Variants in ANK2 observed in about 807,000 individuals in gnomAD.
The protein encoded by ANK2 is ankyrin-2.
In ANK2, 83 loss-of-function variants were observed where a neutral mutation model predicts 360.5. That is an observed-to-expected ratio of 0.23 (90% CI 0.19 to 0.28). The LOEUF (loss-of-function observed/expected upper bound fraction) is 0.28, where lower values mean the gene tolerates loss of function less well. Among genes scored for constraint, ANK2 ranks in the 10% least tolerant of loss-of-function variants. The probability of loss-of-function intolerance (pLI) is 1.00; values close to 1 mark genes in which losing one functional copy is unlikely to be tolerated. For missense variants in ANK2, 4,201 were observed against 4,795.7 expected, an observed-to-expected ratio of 0.88 and a Z score of 3.66; for synonymous variants, 1,740 against 1,759.5, an observed-to-expected ratio of 0.99 and a Z score of 0.28.
chr4:113,238,491 C>G (rs2099401158), intron 7 of ANK2, among the ~76,000 whole-genome samples: 1 of 152,132 alleles, frequency 6.6e-6, no homozygotes. Flanking sequence ...CCTATCGTTG[C>G]ATGGAACCTA....
At chr4:113,237,488 C>A in intron 6 of ANK2, 111 bp from the exon 7 acceptor site, 1 of 1,047,632 alleles carries the variant, frequency 9.5e-7, no homozygotes, top group Admixed American at 1.7e-5. Flanking sequence ...CAGTAGAATG[C>A]ATTTTGCCAT....
Position 113,317,735 on chromosome 4 carries a change from C to T in ANK2, c.2722C>T (p.His908Tyr), listed in dbSNP as rs2083672191. 1 of 1,614,152 alleles carries T rather than the reference C, an allele frequency of 6.2e-7. No individual in the cohort carries two copies. Among genetic ancestry groups the T allele is most frequent in the Non-Finnish European group, 8.5e-7 (1 of 1,180,006 alleles). Residue 908 changes from histidine to tyrosine, a missense_variant, in exon 25 of 46, where the codon CAC becomes TAC. By Grantham distance (83) the His-to-Tyr change is moderately conservative (BLOSUM62 2). This residue lies in a region of ANK2 where 1,268 missense variants were observed against 1,650.8 expected (regional missense o/e 0.77). Coordinates refer to ENST00000357077, the MANE Select transcript of ANK2 (RefSeq NM_001148.6). ...SLRSFSSDRS[H>Y]TLSHASYLRD... ...TCGATCCTTCAGTTCCGACAGGTCTCACACTCTGAGCCATGCCTCCTACCT... is the reference window on the plus strand; with the variant it reads ...TCGATCCTTCAGTTCCGACAGGTCTTACACTCTGAGCCATGCCTCCTACCT...
chr4:113,004,589 G>A (rs1010791160), intron 2 of ANK2, among the ~76,000 whole-genome samples: 5 of 152,134 alleles, frequency 3.3e-5, no homozygotes, highest in Admixed American at 6.6e-5. Flanking sequence ...AGACCTGTCT[G>A]AAGCTATTTT....
chr4:113,293,522 T>A lies in ANK2; in HGVS notation c.2459T>A (p.Val820Asp), dbSNP rs1286149273. ...ACCCTGAAGGTTGTGACTGAGGAGG[T>A]CACCACCACCACCACAGTGAGTATG... ...VDTLKVVTEE[V>D]TTTTTTITEK... Residue 820 changes from valine (V) to aspartate (D), a missense_variant, in exon 22 of 46, where the codon GTC becomes GAC. This residue lies in a region of ANK2 where 1,268 missense variants were observed against 1,650.8 expected (regional missense o/e 0.77). Transcript: ENST00000357077. 1 of 1,613,174 alleles carries A rather than the reference T, an allele frequency of 6.2e-7. No homozygotes were observed. The highest frequency in any genetic ancestry group is 2.2e-5 in the East Asian group (1 of 44,878).
chr4:113,301,048 T>A (rs1293446310), intron 22 of ANK2, among the ~76,000 whole-genome samples: 1 of 152,234 alleles, frequency 6.6e-6, no homozygotes, highest in Admixed American at 6.5e-5. Context: ...CATTATAGCC[T>A]TTCAAACAAT....
intron 1 of ANK2, among the ~76,000 whole-genome samples, chr4:113,116,560 T>A (rs1225032319): frequency 6.6e-6 from 1 of 152,218 alleles, no homozygotes; most frequent in Non-Finnish European, 1.5e-5. Context: ...TGTGCTCCTC[T>A]TCTCCCAAAA....
At chr4:113,125,015 T>C (rs959565957) in intron 1 of ANK2, among the ~76,000 whole-genome samples, 2 of 152,156 alleles carry the variant, frequency 1.3e-5, no homozygotes, top group Non-Finnish European at 2.9e-5. Context: ...TGTATCTTAA[T>C]CTAATCAATT....
At chr4:112,856,281 T>G (rs1267497700) in intron 1 of ANK2, among the ~76,000 whole-genome samples, 1 of 152,180 alleles carries the variant, frequency 6.6e-6, no homozygotes, top group African/African-American at 2.4e-5. Context: ...TGCAGGCACA[T>G]TCAGGAGAGG....
chr4:112,957,458 C>A (rs1331220098), intron 2 of ANK2, among the ~76,000 whole-genome samples: 3 of 152,224 alleles, frequency 2.0e-5, no homozygotes, highest in Non-Finnish European at 4.4e-5. Context: ...CAATCTTTTC[C>A]CCGCCTTTCC....
At chr4:112,957,175 T>G (rs1286500957) in intron 2 of ANK2, among the ~76,000 whole-genome samples, 1 of 151,706 alleles carries the variant, frequency 6.6e-6, no homozygotes, top group Non-Finnish European at 1.5e-5. Context: ...TCCGCAGTGT[T>G]TGTGTCCCTG....
At chr4:113,124,420 A>C (rs2095540810) in intron 1 of ANK2, among the ~76,000 whole-genome samples, 1 of 152,224 alleles carries the variant, frequency 6.6e-6, no homozygotes, top group Admixed American at 6.5e-5. Context: ...ATCTCCCCTA[A>C]TTCTTCAGAT....
chr4:113,054,497 G>A (rs1396609088), intron 1 of ANK2, among the ~76,000 whole-genome samples: 3 of 152,206 alleles, frequency 2.0e-5, no homozygotes, highest in Non-Finnish European at 2.9e-5. Flanking sequence ...GCCCTTTTTA[G>A]TGAAATCAGG....
the ANK2 span, among the ~76,000 whole-genome samples, chr4:112,730,857 AAG>A: frequency 1.3e-5 from 2 of 150,906 alleles, no homozygotes; most frequent in African/African-American, 4.9e-5. Flanking sequence ...AAAAAAAAAA[AAG>A]AGCAGGCGCG....
At chr4:112,856,050 T>C (rs569368366) in intron 1 of ANK2, among the ~76,000 whole-genome samples, 23 of 152,284 alleles carry the variant, frequency 1.5e-4, no homozygotes, top group Non-Finnish European at 2.2e-4. Context: ...TCATTTCTAT[T>C]TGGACTCCAC....
chr4:112,920,017 T>G (rs2091044733), intron 2 of ANK2, among the ~76,000 whole-genome samples: 2 of 152,126 alleles, frequency 1.3e-5, no homozygotes, highest in African/African-American at 4.8e-5. Flanking sequence ...TTAGGTTTCT[T>G]GGGAAGGGCC....
At chr4:113,350,165 C>T (rs2095310369) in intron 36 of ANK2, 63 bp from the exon 37 acceptor site, 4 of 1,491,052 alleles carry the variant, frequency 2.7e-6, no homozygotes, top group Non-Finnish European at 3.7e-6. Context: ...TTTTTGTGCA[C>T]ACCAGGGGCT....
At chr4:112,877,169 A>G (rs1264657552) in intron 1 of ANK2, among the ~76,000 whole-genome samples, 1 of 151,866 alleles carries the variant, frequency 6.6e-6, no homozygotes, top group African/African-American at 2.4e-5. Flanking sequence ...TTACTTTATC[A>G]TCTATTTCCT....
At chr4:113,135,131 T>C (rs558543762) in intron 1 of ANK2, among the ~76,000 whole-genome samples, 2 of 151,982 alleles carry the variant, frequency 1.3e-5, no homozygotes, top group Non-Finnish European at 2.9e-5. Flanking sequence ...CTGATAACTG[T>C]GGGGTGTTTT....
At position 113,311,397 on chromosome 4, in the gene ANK2, C is replaced by T; in HGVS notation, c.2691C>T (p.Asp897=). 1.2e-6 allele frequency: 2 copies of T among 1,614,032 alleles called. No individual in the cohort carries two copies. Among genetic ancestry groups the T allele is most frequent in the East Asian group, 2.2e-5 (1 of 44,872 alleles). ...ACAGCTTGGAGGGAGGACGATCTGACAGGTATCTCATAAAACTTATAATTG... is the reference window on the plus strand; with the variant it reads ...ACAGCTTGGAGGGAGGACGATCTGATAGGTATCTCATAAAACTTATAATTG... The part of the protein sequence containing the change: ...LRYSLEGGRS[D]SLRSFSSDRS... The change falls in exon 24 of 46, where the codon GAC becomes GAT. Residue 897 remains aspartate (D), a splice_region_variant and synonymous_variant. Coordinates refer to ENST00000357077, the MANE Select transcript of ANK2 (RefSeq NM_001148.6).
Sources: allele counts gnomAD v4.1 joint callset (sites outside exome capture counted in the v4.1 genomes callset), GRCh38; gene constraint gnomAD v4.1.1; regional missense constraint gnomAD v4.1.1; transcripts MANE v1.5; gene names NCBI Gene and HGNC (gene_info 2026-07-23, HGNC 2026-07-21).